PACS1: variants seen among roughly 807,000 people sequenced by gnomAD.
The protein encoded by PACS1 is phosphofurin acidic cluster sorting protein 1.
PACS1 carries 24 observed loss-of-function variants against 115.0 expected under a neutral mutation model. That is an observed-to-expected ratio of 0.21 (90% confidence interval 0.15 to 0.29). PACS1 has a LOEUF of 0.29. PACS1 is among the 10% of genes least tolerant of loss of function. The pLI is 1.00. For missense variants in PACS1, 838 were observed against 1,251.2 expected, an observed-to-expected ratio of 0.67 and a Z score of 4.98; for synonymous variants, 453 against 504.5, an observed-to-expected ratio of 0.90 and a Z score of 1.37.
intron 10 of PACS1, among the ~76,000 whole-genome samples, chr11:66,223,879 T>A (rs1293765029): frequency 6.6e-6 from 1 of 152,142 alleles, no homozygotes; most frequent in Non-Finnish European, 1.5e-5. Flanking sequence ...GGTTGTGGTG[T>A]CGGTATAGGA....
At chr11:66,094,735 C>G (rs1338104761) in intron 1 of PACS1, among the ~76,000 whole-genome samples, 5 of 152,016 alleles carry the variant, frequency 3.3e-5, no homozygotes, top group Non-Finnish European at 7.4e-5. Context: ...CGGGCAGAGA[C>G]ACAACCAAAA....
chr11:66,076,577 G>A (rs1164664570), intron 1 of PACS1, among the ~76,000 whole-genome samples: 2 of 152,184 alleles, frequency 1.3e-5, no homozygotes, highest in African/African-American at 4.8e-5. Flanking sequence ...ATTTTTAGTA[G>A]AGACGGGGTT....
At chr11:66,166,447 T>TCATTCCATTTTTCTAAACTATGCATTC (rs1565131114) in intron 1 of PACS1, among the ~76,000 whole-genome samples, 59 of 151,328 alleles carry the variant, frequency 3.9e-4, no homozygotes, top group African/African-American at 1.3e-3. Context: ...ATGCACAGCC[T>TCATTCCATTTTTCTAAACTATGCATTC]GATGTCACAT....
chr11:66,145,141 G>A (rs994537321), intron 1 of PACS1, among the ~76,000 whole-genome samples: 2 of 152,124 alleles, frequency 1.3e-5, no homozygotes, highest in Non-Finnish European at 2.9e-5. Context: ...ACTGTTTCAG[G>A]GCTCTAGAAA....
intron 1 of PACS1, among the ~76,000 whole-genome samples, chr11:66,184,350 G>T (rs1284705884): frequency 6.6e-6 from 1 of 150,736 alleles, no homozygotes; most frequent in Non-Finnish European, 1.5e-5. Flanking sequence ...AGATGAGAGG[G>T]GAATGGAATA....
chr11:66,156,467 A>G (rs565466053), intron 1 of PACS1, among the ~76,000 whole-genome samples: 84 of 149,270 alleles, frequency 5.6e-4, no homozygotes, highest in African/African-American at 2.0e-3. Flanking sequence ...CTGGTCTTGA[A>G]CTCCTGGCCT....
At position 66,233,708 on chromosome 11, in the gene PACS1, A is replaced by G. The variant is rs909472067; in HGVS notation, c.1839-77A>G. On this transcript the variant is annotated intron_variant, in intron 15 of 23. Transcript: ENST00000320580. This position sits in a 1 kb window ranked among gnomAD's most constrained non-coding sequence, Gnocchi z 4.5. ...CCCCTGTGGGTTGTTGAGATCACAG[A>G]AAGTCAGCTCTGGGCCTCCCCCGGG... is the stretch of plus-strand genomic sequence containing the variant. 8 of 1,434,616 alleles carry G rather than the reference A, an allele frequency of 5.6e-6. No individual in the cohort carries two copies. Among genetic ancestry groups the G allele is most frequent in the African/African-American group, 4.3e-5 (3 of 70,034 alleles). The allele number at this position is 1,434,616 out of a possible 1,614,324, so 88.9% of individuals were successfully genotyped here. A position where few individuals can be genotyped will look rare whatever the true frequency, so the allele number is the denominator to read the frequency against.
intron 1 of PACS1, among the ~76,000 whole-genome samples, chr11:66,139,420 G>A (rs1056631313): frequency 1.3e-5 from 2 of 151,824 alleles, no homozygotes; most frequent in Non-Finnish European, 2.9e-5. Flanking sequence ...CAAATATTAG[G>A]TCTTATTCAT....
chr11:66,209,975 T>C (rs916377432), intron 2 of PACS1, among the ~76,000 whole-genome samples: 1 of 151,884 alleles, frequency 6.6e-6, no homozygotes, highest in East Asian at 1.9e-4. Context: ...GCAAACATAG[T>C]ATTTCTTTTG....
At chr11:66,238,978 C>A in intron 20 of PACS1, 132 bp downstream of exon 20, 1 of 1,343,840 alleles carries the variant, frequency 7.4e-7, no homozygotes, top group Non-Finnish European at 1.0e-6. Flanking sequence ...AGCCTATGGG[C>A]GCCCTCACTC....
At chr11:66,092,094 C>A (rs1260113746) in intron 1 of PACS1, among the ~76,000 whole-genome samples, 1 of 152,150 alleles carries the variant, frequency 6.6e-6, no homozygotes, top group Admixed American at 6.5e-5. Flanking sequence ...GAGGAATCGC[C>A]ACATTGACTT....
chr11:66,238,173 C>G (rs1438518993), intron 19 of PACS1: 1 of 985,144 alleles, frequency 1.0e-6, no homozygotes, highest in Non-Finnish European at 1.2e-6. Flanking sequence ...AACCCCCCCA[C>G]CCCCATTCAG....
intron 1 of PACS1, among the ~76,000 whole-genome samples, chr11:66,185,053 C>T (rs141970056): frequency 1.5e-3 from 235 of 152,220 alleles, no homozygotes; most frequent in African/African-American, 4.5e-3. Context: ...GCTATTGCCT[C>T]GCTGCTTTTA....
At chr11:66,173,429 C>T (rs868546891) in intron 1 of PACS1, among the ~76,000 whole-genome samples, 10 of 152,202 alleles carry the variant, frequency 6.6e-5, no homozygotes, top group Middle Eastern at 3.4e-3. Flanking sequence ...AACACTCAGC[C>T]GGGCGCAGTG....
At chr11:66,210,222 C>A in intron 2 of PACS1, 140 bp from the exon 3 acceptor site, 1 of 622,134 alleles carries the variant, frequency 1.6e-6, no homozygotes, top group South Asian at 1.8e-5. Context: ...TTTGTAGAAA[C>A]AGGAGTCTCA....
At chr11:66,143,241 A>T (rs571011428) in intron 1 of PACS1, among the ~76,000 whole-genome samples, 1 of 152,282 alleles carries the variant, frequency 6.6e-6, no homozygotes, top group Non-Finnish European at 1.5e-5. Flanking sequence ...TGGCTTCAAG[A>T]GACTGAGTCT....
rs1855864548 is a variant in PACS1 at position 66,243,705 on chromosome 11, T to C, written c.*425T>C. 1.1e-5 allele frequency: 2 copies of C among 182,070 alleles called. No homozygotes were observed. Among genetic ancestry groups the C allele is most frequent in the Admixed American group, 5.5e-5 (1 of 18,040 alleles). The allele number at this position is 182,070 out of a possible 1,614,324, so 11.3% of individuals were successfully genotyped here. A position where few individuals can be genotyped will look rare whatever the true frequency, so the allele number is the denominator to read the frequency against. On this transcript the variant is annotated 3_prime_UTR_variant, in exon 24 of 24. Coordinates refer to ENST00000320580, the MANE Select transcript of PACS1 (RefSeq NM_018026.4). ...CCCCCAGCCCCTCCAGCCACCAGGG[T>C]GTCCTCTAGGATGCAGCTGCCAGAT...
chr11:66,175,424 G>A (rs1459700395), intron 1 of PACS1, among the ~76,000 whole-genome samples: 2 of 152,002 alleles, frequency 1.3e-5, no homozygotes, highest in Admixed American at 1.3e-4. Flanking sequence ...GGTAAATTCT[G>A]GAAATTTTTT....
At chr11:66,072,696 G>A (rs1012117830) in intron 1 of PACS1, among the ~76,000 whole-genome samples, 1 of 152,176 alleles carries the variant, frequency 6.6e-6, no homozygotes, top group Non-Finnish European at 1.5e-5. Flanking sequence ...ATCTATCGCT[G>A]AAGTATCCTA....
Sources: allele counts gnomAD v4.1 joint callset (sites outside exome capture counted in the v4.1 genomes callset), GRCh38; gene constraint gnomAD v4.1.1; non-coding constraint Gnocchi (gnomAD v3.1); transcripts MANE v1.5; gene names NCBI Gene and HGNC (gene_info 2026-07-23, HGNC 2026-07-21).